The following MATN2 variants were observed in gnomAD, a reference collection of about 807,000 sequenced individuals.
The protein encoded by MATN2 is matrilin-2.
Under a neutral mutation model 103.2 loss-of-function variants are expected in MATN2, and 69 were observed. The observed-to-expected ratio is 0.67, with a 90% CI of 0.55 to 0.82. MATN2 has a LOEUF of 0.82. Among genes scored for constraint, MATN2 ranks in the 40% least tolerant of loss-of-function variants. The pLI, the probability that MATN2 is intolerant of heterozygous loss-of-function variation, is 0.00. For synonymous variants in MATN2, 429 were observed against 450.2 expected (o/e 0.95, Z 0.60); for missense variants, 1,023 against 1,211.5 (o/e 0.84, Z 2.31).
At chr8:97,990,836 G>T (rs763041497) in intron 6 of MATN2, among the ~76,000 whole-genome samples, 3 of 152,190 alleles carry the variant, frequency 2.0e-5, no homozygotes, top group Non-Finnish European at 2.9e-5. Flanking sequence ...GAAGGTAAAT[G>T]GTTATTTGGG....
At chr8:97,936,941 T>A (rs1275033919) in intron 3 of MATN2, among the ~76,000 whole-genome samples, 1 of 152,144 alleles carries the variant, frequency 6.6e-6, no homozygotes, top group African/African-American at 2.4e-5. Context: ...GGAATTCCAT[T>A]TTTTTCTAAA....
At position 98,005,612 on chromosome 8, in the gene MATN2, T is replaced by C. The variant is rs1286062416; in HGVS notation, c.1328-1493T>C. On this transcript the variant is annotated intron_variant, in intron 8 of 18. Coordinates refer to ENST00000254898, the MANE Select transcript of MATN2 (RefSeq NM_002380.5). The surrounding 1 kb of genome is among the most constrained non-coding windows in gnomAD (Gnocchi z 4.6). ...GAAAGTACAAACCAAGCTGTTTCTGTCTCGCAGTCCTTAGAGAAAGCCACA... is the reference window on the plus strand; with the variant it reads ...GAAAGTACAAACCAAGCTGTTTCTGCCTCGCAGTCCTTAGAGAAAGCCACA... Among the ~76,000 whole-genome samples the C allele has an allele frequency of 4.6e-5, 7 of 152,114 alleles. No homozygotes were observed. Among genetic ancestry groups the C allele is most frequent in the Non-Finnish European group, 8.8e-5 (6 of 68,008 alleles).
At chr8:97,940,125 G>T (rs1251107155) in intron 3 of MATN2, among the ~76,000 whole-genome samples, 1 of 152,070 alleles carries the variant, frequency 6.6e-6, no homozygotes, top group Non-Finnish European at 1.5e-5. Context: ...TTATTCTCAT[G>T]TCTTATAAAG....
At chr8:97,933,516 C>T (rs1586061759) in intron 3 of MATN2, among the ~76,000 whole-genome samples, 1 of 130,676 alleles carries the variant, frequency 7.7e-6, no homozygotes, top group African/African-American at 2.8e-5. Flanking sequence ...TGGGACTGAC[C>T]GCCCCCCTCC....
rs61598910 is a variant in MATN2, at chr8:98,032,142, G to A, written c.2510-104G>A. On this transcript the variant is annotated intron_variant, in intron 15 of 18. Coordinates refer to ENST00000254898, the MANE Select transcript of MATN2 (RefSeq NM_002380.5). Reference sequence around the variant, plus strand: ...ACCAAACAAAACTAAAAAACCTTAGGTTATGGCAGGTAGGTAAGGAGGTGG... The same window carrying A: ...ACCAAACAAAACTAAAAAACCTTAGATTATGGCAGGTAGGTAAGGAGGTGG... The A allele has an allele frequency of 4.4e-3, 3,757 of 862,768 alleles. 59 individuals are homozygous for A. Among genetic ancestry groups the A allele is most frequent in the African/African-American group, 0.04 (2,334 of 58,398 alleles). 53.4% of individuals were successfully genotyped at this position (862,768 alleles called of 1,614,324 possible).
intron 16 of MATN2, 73 bp downstream of exon 16, chr8:98,032,390 T>A: frequency 8.7e-7 from 1 of 1,143,898 alleles, no homozygotes; most frequent in Non-Finnish European, 1.3e-6. Flanking sequence ...ATAAAAGCTG[T>A]AAAGAAGTGA....
chr8:97,924,724 T>G (rs749676326), intron 2 of MATN2, among the ~76,000 whole-genome samples: 43 of 16,116 alleles, frequency 2.7e-3, no homozygotes, highest in Non-Finnish European at 6.2e-3. Context: ...TTATTAAGTG[T>G]TTTTTTTTTT....
chr8:98,029,358 AGAGACAGTGG>A (rs1406349614), intron 14 of MATN2, among the ~76,000 whole-genome samples: 1 of 152,202 alleles, frequency 6.6e-6, no homozygotes, highest in Non-Finnish European at 1.5e-5. Flanking sequence ...CTTAGTCTCC[AGAGACAGTGG>A]TTAGCCCTTT....
At chr8:97,881,778 C>T (rs1274268957) in intron 1 of MATN2, among the ~76,000 whole-genome samples, 1 of 152,166 alleles carries the variant, frequency 6.6e-6, no homozygotes, top group Non-Finnish European at 1.5e-5. Flanking sequence ...GATACATGCA[C>T]TGACTTATTT....
At chr8:98,013,376 C>A (rs1022192830) in intron 10 of MATN2, among the ~76,000 whole-genome samples, 4 of 152,192 alleles carry the variant, frequency 2.6e-5, no homozygotes, top group African/African-American at 9.7e-5. Flanking sequence ...CACAAACATC[C>A]ACACATCCCA....
intron 2 of MATN2, among the ~76,000 whole-genome samples, chr8:97,922,444 G>A (rs868767357): frequency 5.3e-5 from 8 of 152,286 alleles, no homozygotes; most frequent in Middle Eastern, 3.4e-3. Context: ...TAGTCAGACG[G>A]TGTCTCATAT....
chr8:97,931,679 A>T lies in MATN2; in HGVS notation c.712+157A>T, dbSNP rs892672952. On this transcript the variant is annotated intron_variant, in intron 3 of 18. Coordinates refer to ENST00000254898, the MANE Select transcript of MATN2 (RefSeq NM_002380.5). This position sits in a 1 kb window ranked among gnomAD's most constrained non-coding sequence, Gnocchi z 4.1. ...AACACAACGTGCTCCAGGGGCTTAC[A>T]CTTTGGCCAAGAGACACATGTTTTT... 6.6e-6 allele frequency among the ~76,000 whole-genome samples: 1 copy of T among 152,138 alleles called. No homozygotes were observed. Among genetic ancestry groups the T allele is most frequent in the South Asian group, 2.1e-4 (1 of 4,828 alleles).
At chr8:98,022,828 C>T (rs1813651725) in intron 13 of MATN2, among the ~76,000 whole-genome samples, 1 of 152,226 alleles carries the variant, frequency 6.6e-6, no homozygotes, top group Admixed American at 6.5e-5. Flanking sequence ...TGGCTAACGC[C>T]TGTAATCCCA....
intron 12 of MATN2, among the ~76,000 whole-genome samples, chr8:98,020,772 T>C (rs1051088744): frequency 1.3e-5 from 2 of 152,206 alleles, no homozygotes; most frequent in Non-Finnish European, 2.9e-5. Flanking sequence ...TAATTCTTCA[T>C]TGATACCTTG....
chr8:97,931,111 T>A lies in MATN2; in HGVS notation c.301T>A (p.Tyr101Asn). 2.5e-6 allele frequency: 4 copies of A among 1,614,016 alleles called. No individual in the cohort carries two copies. The highest frequency in any genetic ancestry group is 3.4e-6 in the Non-Finnish European group (4 of 1,179,892). ...TGTCACCCGAGTGGGCCTGCTCCAA[T>A]ATGGCAGCACTGTCAAGAATGAGTT... is the stretch of plus-strand genomic sequence containing the variant. Reference protein sequence around the residue: ...PDVTRVGLLQYGSTVKNEFSL... With the variant: ...PDVTRVGLLQNGSTVKNEFSL... The change falls in exon 3 of 19, where the codon TAT (tyrosine) becomes AAT (asparagine). Residue 101 changes from tyrosine (Y) to asparagine (N), a missense_variant. Coordinates refer to ENST00000254898, the MANE Select transcript of MATN2 (RefSeq NM_002380.5). The surrounding 1 kb of genome is among the most constrained non-coding windows in gnomAD (Gnocchi z 4.1).
intron 2 of MATN2, among the ~76,000 whole-genome samples, chr8:97,899,081 A>G (rs1016726086): frequency 6.6e-6 from 1 of 150,484 alleles, no homozygotes; most frequent in African/African-American, 2.5e-5. Flanking sequence ...CTATAACCCC[A>G]CCCACCCTGT....
rs74424232 is a variant in MATN2, at chr8:97,966,103, A to G, written c.958+4573A>G. ...CAGGAGATCATTCAAGGCTGCAGAAAGTCATGTTCACACCACTGTACTCCA... is the reference window on the plus strand; with the variant it reads ...CAGGAGATCATTCAAGGCTGCAGAAGGTCATGTTCACACCACTGTACTCCA... On this transcript the variant is annotated intron_variant, in intron 5 of 18. Coordinates refer to ENST00000254898, the MANE Select transcript of MATN2 (RefSeq NM_002380.5). Among the ~76,000 whole-genome samples the G allele has an allele frequency of 9.8e-3, 1,498 of 152,180 alleles. 27 individuals carry two copies. Among genetic ancestry groups the G allele is most frequent in the African/African-American group, 0.033 (1,362 of 41,508 alleles).
At chr8:97,960,359 G>T (rs1449414277) in intron 4 of MATN2, among the ~76,000 whole-genome samples, 2 of 152,068 alleles carry the variant, frequency 1.3e-5, no homozygotes, top group Non-Finnish European at 2.9e-5. Flanking sequence ...GGTACAGCTA[G>T]CTGTTTCATG....
intron 10 of MATN2, among the ~76,000 whole-genome samples, chr8:98,008,962 A>G (rs946012350): frequency 2.0e-5 from 3 of 152,166 alleles, no homozygotes; most frequent in African/African-American, 7.2e-5. Flanking sequence ...TCCCCTGCCC[A>G]GGTCCACATC....
Sources: allele counts gnomAD v4.1 joint callset (sites outside exome capture counted in the v4.1 genomes callset), GRCh38; gene constraint gnomAD v4.1.1; non-coding constraint Gnocchi (gnomAD v3.1); transcripts MANE v1.5; gene names NCBI Gene and HGNC (gene_info 2026-07-23, HGNC 2026-07-21).